Variants in CHTF18 observed in about 807,000 individuals in gnomAD.
CHTF18 encodes chromosome transmission fidelity protein 18 homolog.
Under a neutral mutation model 113.4 loss-of-function variants are expected in CHTF18, and 151 were observed. The observed-to-expected ratio is 1.33, with a 90% CI of 1.17 to 1.52. CHTF18 has a LOEUF of 1.52. CHTF18 is among the 40% of genes most tolerant of loss of function. The pLI, the probability that CHTF18 is intolerant of heterozygous loss-of-function variation, is 0.00. For missense variants in CHTF18, 1,982 were observed against 1,381.6 expected (o/e 1.43, Z -6.89); for synonymous variants, 916 against 598.8 (o/e 1.53, Z -7.74).
intron 14 of CHTF18, 186 bp from the exon 15 acceptor site, chr16:793,868 T>C (rs1382931195): frequency 3.0e-6 from 2 of 664,572 alleles, no homozygotes; most frequent in Non-Finnish European, 5.1e-6. Context: ...CTTAAGGGAA[T>C]GTTTCAGGGG....
At chr16:794,985 T>TCG in intron 15 of CHTF18, 147 bp from the exon 16 acceptor site, 1 of 642,708 alleles carries the variant, frequency 1.6e-6, no homozygotes. Flanking sequence ...ACGCCCAGCG[T>TCG]CGTGGGGACC....
At position 791,129 on chromosome 16, in the gene CHTF18, A is replaced by G. The variant is rs1309247790; in HGVS notation, c.895-32A>G. The stretch of plus-strand genomic sequence containing the variant: ...GTCCGTGCCTGGAGGCGGTGCCCTC[A>G]GGCTGTGCTTCCCTTCCCGTCCTTC... On this transcript the variant is annotated intron_variant, in intron 7 of 21. Transcript: ENST00000262315. 5 of 1,587,926 alleles carry G rather than the reference A, an allele frequency of 3.1e-6. No individual in the cohort carries two copies. In the African/African-American group the frequency reaches 4.0e-5, roughly 13 times the overall value.
Position 797,734 on chromosome 16 carries a change from C to G in CHTF18, c.2774C>G (p.Thr925Arg). The G allele has an allele frequency of 3.1e-6, 5 of 1,603,914 alleles. No homozygotes were observed. Among genetic ancestry groups the G allele is most frequent in the African/African-American group, 2.8e-5 (2 of 71,892 alleles). Residue 925 changes from threonine (T) to arginine (R), a missense_variant, in exon 21 of 22, where the codon ACA (threonine) becomes AGA (arginine). Transcript: ENST00000262315. ...TTTGGACGTGTGGTCGTCAGGAGCACAGCAGTCCCGAGTGCAGGTGTGTGT... is the reference window on the plus strand; with the variant it reads ...TTTGGACGTGTGGTCGTCAGGAGCAGAGCAGTCCCGAGTGCAGGTGTGTGT... Reference protein sequence around the residue: ...DFFGRVVVRSTAVPSAGDTAP... With the variant: ...DFFGRVVVRSRAVPSAGDTAP...
Position 789,664 on chromosome 16 carries a change from C to A in CHTF18, c.555C>A (p.Gly185=). The change falls in exon 4 of 22, where the codon GGC becomes GGA. Residue 185 remains glycine, a synonymous_variant. Coordinates refer to ENST00000262315, the MANE Select transcript of CHTF18 (RefSeq NM_022092.3). ...ACGTCCACGTGACATCCACGGAGGGCGTCCGGGCTTATCTGGTGCTGCGTG... is the reference window on the plus strand; with the variant it reads ...ACGTCCACGTGACATCCACGGAGGGAGTCCGGGCTTATCTGGTGCTGCGTG... The part of the protein sequence containing the change: ...EDYVHVTSTE[G]VRAYLVLRAD... 6.2e-7 allele frequency: 1 copy of A among 1,603,746 alleles called. No individual in the cohort carries two copies. The highest frequency in any genetic ancestry group is 8.5e-7 in the Non-Finnish European group (1 of 1,179,582).
At chr16:793,318 G>A (rs141333944) in intron 14 of CHTF18, 44 bp downstream of exon 14, 18,501 of 1,594,370 alleles carry the variant, frequency 0.012, 140 homozygotes, top group Middle Eastern at 0.021. Context: ...CACGGTGCCC[G>A]GACCTCAGGA....
chr16:797,511 G>T (rs1021430192), intron 20 of CHTF18, among the ~76,000 whole-genome samples, 183 bp from the exon 21 acceptor site: 7 of 152,136 alleles, frequency 4.6e-5, no homozygotes, highest in Non-Finnish European at 1.0e-4. Context: ...TTCTTGATTG[G>T]CACCTGGTGG....
intron 16 of CHTF18, 44 bp downstream of exon 16, chr16:795,400 G>A (rs777535948): frequency 1.1e-5 from 14 of 1,302,630 alleles, no homozygotes; most frequent in Non-Finnish European, 9.9e-6. Flanking sequence ...CCCCGTGCCC[G>A]CCCCCCTGTG....
At chr16:797,798 G>C in intron 21 of CHTF18, 41 bp from the exon 22 acceptor site, 1 of 1,586,726 alleles carries the variant, frequency 6.3e-7, no homozygotes, top group Non-Finnish European at 8.6e-7. Flanking sequence ...GGGGGTTGTG[G>C]GGGGGCCTTA....
rs370454328 is a variant in CHTF18, at chr16:793,255, C to T, written c.1783C>T (p.Gln595Ter). 15 of 1,607,118 alleles carry T rather than the reference C, an allele frequency of 9.3e-6. No homozygotes were observed. The highest frequency in any genetic ancestry group is 1.2e-5 in the Non-Finnish European group (14 of 1,178,582). ...CTTCTCGGTGTGGCAGGAGGTCTTC[C>T]AGCTGCCTCGAGCCCAGAGGTAGGC... Reference protein sequence around the residue: ...GLFSVWQEVFQLPRAQRRRVG... With the variant: ...GLFSVWQEVF The change falls in exon 14 of 22, where the codon CAG becomes TAG. Residue 595 changes from glutamine to a stop codon, truncating the protein, a stop_gained. Transcript: ENST00000262315. LOFTEE classifies it high-confidence loss of function.
chr16:793,558 C>T (rs946690417), intron 14 of CHTF18: 8 of 570,516 alleles, frequency 1.4e-5, no homozygotes, highest in Admixed American at 6.1e-5. Context: ...CCCCTTGACT[C>T]AGCTGCTGTC....
At position 797,095 on chromosome 16, in the gene CHTF18, G is replaced by A. The variant is rs747100207; in HGVS notation, c.2733+3G>A. Reference sequence around the variant, plus strand: ...GGCGAGCGGCCCGGGAGGAACAGGTGTGGAATGGGCAGCTGTGGGGGTGGG... The same window carrying A: ...GGCGAGCGGCCCGGGAGGAACAGGTATGGAATGGGCAGCTGTGGGGGTGGG... On this transcript the variant is annotated splice_donor_region_variant and intron_variant, in intron 20 of 21. Coordinates refer to ENST00000262315, the MANE Select transcript of CHTF18 (RefSeq NM_022092.3). The A allele has an allele frequency of 9.3e-6, 14 of 1,513,108 alleles. No individual in the cohort carries two copies. In the East Asian group the frequency reaches 3.2e-4, roughly 35 times the overall value. The allele number at this position is 1,513,108 out of a possible 1,614,324, so 93.7% of individuals were successfully genotyped here.
intron 15 of CHTF18, chr16:794,637 T>A: frequency 4.4e-6 from 1 of 229,532 alleles, no homozygotes; most frequent in Non-Finnish European, 8.6e-6. Context: ...TAAGCGGCTT[T>A]GGATTAGCAG....
At position 794,142 on chromosome 16, in the gene CHTF18, C is replaced by T. The variant is rs373611090; in HGVS notation, c.1891C>T (p.Arg631Ter). 8.1e-6 allele frequency: 13 copies of T among 1,612,340 alleles called. No individual in the cohort carries two copies. In the African/African-American group the frequency reaches 9.3e-5, roughly 12 times the overall value. Residue 631 changes from arginine (R) to a stop codon, truncating the protein, a stop_gained, in exon 15 of 22, where the codon CGA becomes TGA. Transcript: ENST00000262315. LOFTEE classifies it high-confidence loss of function. ...GGGCTCCCTCACCTCCGCCTCACAG[C>T]GATTCTACCGTGTCCTGCATGCCGC... Reference protein sequence around the residue: ...DAGSLTSASQRFYRVLHAAAS... With the variant: ...DAGSLTSASQ
At position 791,234 on chromosome 16, in the gene CHTF18, G is replaced by A. The variant is rs770568072; in HGVS notation, c.968G>A (p.Arg323Gln). The A allele has an allele frequency of 1.4e-5, 23 of 1,610,878 alleles. No individual in the cohort carries two copies. In the Admixed American group the frequency reaches 2.0e-4, roughly 14 times the overall value. Reference sequence around the variant, plus strand: ...GTGTTTGGCCACGAGAGGCCTTCCCGGAAGCCCAGGCCCAGTGTTGAGCCG... The same window carrying A: ...GTGTTTGGCCACGAGAGGCCTTCCCAGAAGCCCAGGCCCAGTGTTGAGCCG... Reference protein sequence around the residue: ...LVVFGHERPSRKPRPSVEPAR... With the variant: ...LVVFGHERPSQKPRPSVEPAR... The change falls in exon 8 of 22, where the codon CGG becomes CAG. Residue 323 changes from arginine (R) to glutamine (Q), a missense_variant. Arg to Gln is a conservative substitution (Grantham distance 43). Transcript: ENST00000262315.
intron 14 of CHTF18, chr16:793,523 C>G: frequency 1.7e-6 from 1 of 598,678 alleles, no homozygotes. Context: ...GTGGTGGGGC[C>G]TCCAGGGCGT....
chr16:796,073 G>C lies in CHTF18; in HGVS notation c.2452G>C (p.Glu818Gln), dbSNP rs1458300258. ...TPDGQYIYRL[E>Q]PNVEELCRFP... ...CGATGGCCAGTACATCTACAGGCTG[G>C]AGCCGTGAGTCCCCCAGTGCCTGGG... Residue 818 changes from glutamate (E) to glutamine (Q), a missense_variant, in exon 18 of 22, where the codon GAG (glutamate) becomes CAG (glutamine). Physicochemically the swap from Glu to Gln is conservative, Grantham distance 29. Transcript: ENST00000262315. The C allele has an allele frequency of 1.9e-6, 3 of 1,601,348 alleles. No individual in the cohort carries two copies. Among genetic ancestry groups the C allele is most frequent in the Non-Finnish European group, 2.6e-6 (3 of 1,175,150 alleles).
At position 789,568 on chromosome 16, in the gene CHTF18, C is replaced by G. The variant is rs745520553; in HGVS notation, c.459C>G (p.Asp153Glu). Residue 153 changes from aspartate (D) to glutamate (E), a missense_variant, in exon 4 of 22, where the codon GAC becomes GAG. Physicochemically the swap from Asp to Glu is conservative, Grantham distance 45. Coordinates refer to ENST00000262315, the MANE Select transcript of CHTF18 (RefSeq NM_022092.3). ...WGHGVSEAAA[D>E]VGLTRASPAA... Reference sequence around the variant, plus strand: ...CCAGAGTCTCAGAAGCTGCTGCCGACGTGGGTCTCACACGGGCCTCACCAG... The same window carrying G: ...CCAGAGTCTCAGAAGCTGCTGCCGAGGTGGGTCTCACACGGGCCTCACCAG... 1.2e-6 allele frequency: 2 copies of G among 1,604,198 alleles called. No homozygotes were observed. Among genetic ancestry groups the G allele is most frequent in the Non-Finnish European group, 1.7e-6 (2 of 1,176,526 alleles).
At chr16:789,436 T>TG in intron 3 of CHTF18, 76 bp downstream of exon 3, 1 of 1,534,298 alleles carries the variant, frequency 6.5e-7, no homozygotes, top group Non-Finnish European at 8.8e-7. Flanking sequence ...GTGCCCTGGA[T>TG]GAGGCCTGGG....
In CHTF18 at chr16:798,043, T is replaced by A; in HGVS notation, c.*68T>A. ...GTGCAGAGACAGGAAGCTGGAGATG[T>A]CTTTATAAAGTCACACCTTTACAGA... On this transcript the variant is annotated 3_prime_UTR_variant, in exon 22 of 22. Coordinates refer to ENST00000262315, the MANE Select transcript of CHTF18 (RefSeq NM_022092.3). 3 of 1,547,330 alleles carry A rather than the reference T, an allele frequency of 1.9e-6. No individual in the cohort carries two copies. Among genetic ancestry groups the A allele is most frequent in the Non-Finnish European group, 2.6e-6 (3 of 1,145,872 alleles).
Sources: gnomAD v4.1 joint callset for allele counts (sites outside exome capture counted in the v4.1 genomes callset) on GRCh38, gnomAD v4.1.1 for gene constraint, MANE v1.5 for transcripts, NCBI Gene and HGNC (gene_info 2026-07-23, HGNC 2026-07-21) for gene names.